The following SRGAP2 variants were observed in gnomAD, a reference collection of about 807,000 sequenced individuals.
The protein encoded by SRGAP2 is SLIT-ROBO Rho GTPase-activating protein 2.
In SRGAP2, 15 loss-of-function variants were observed where a neutral mutation model predicts 57.2. That is an observed-to-expected ratio of 0.26 (90% CI 0.18 to 0.40). The LOEUF (loss-of-function observed/expected upper bound fraction) is 0.40. SRGAP2 is among the 10% of genes least tolerant of loss of function. SRGAP2 has a pLI of 1.00. For missense variants in SRGAP2, 520 were observed against 669.6 expected, an observed-to-expected ratio of 0.78 and a Z score of 2.47; for synonymous variants, 249 against 248.0, an observed-to-expected ratio of 1.00 and a Z score of -0.04.
intron 2 of SRGAP2, among the ~76,000 whole-genome samples, chr1:206,241,301 C>A (rs1668213420): frequency 6.6e-6 from 1 of 152,180 alleles, no homozygotes; most frequent in African/African-American, 2.4e-5. Flanking sequence ...GACCACCTAC[C>A]ATCAGACGGG....
chr1:206,414,155 T>C (rs1017355351), intron 10 of SRGAP2, among the ~76,000 whole-genome samples: 1 of 151,200 alleles, frequency 6.6e-6, no homozygotes, highest in Non-Finnish European at 1.5e-5. Flanking sequence ...CCTCAGCCTC[T>C]CGAGTAGCTG....
At chr1:206,248,708 A>G (rs1558250469) in intron 2 of SRGAP2, among the ~76,000 whole-genome samples, 1 of 152,056 alleles carries the variant, frequency 6.6e-6, no homozygotes, top group Non-Finnish European at 1.5e-5. Context: ...GTTTAGCTTT[A>G]TTAGGTTCTG....
At chr1:206,314,097 T>G (rs1418218479) in intron 3 of SRGAP2, among the ~76,000 whole-genome samples, 2 of 126,490 alleles carry the variant, frequency 1.6e-5, no homozygotes, top group African/African-American at 6.5e-5. Context: ...GGCTTTTTTG[T>G]TTTTTTTGTT....
At chr1:206,378,248 G>A (rs1279366685) in intron 4 of SRGAP2, among the ~76,000 whole-genome samples, 1 of 151,914 alleles carries the variant, frequency 6.6e-6, no homozygotes, top group Admixed American at 6.6e-5. Flanking sequence ...GGGAAGCTGA[G>A]GCAGGAGGAT....
At chr1:206,234,402 C>A (rs527540375) in intron 2 of SRGAP2, among the ~76,000 whole-genome samples, 1 of 152,108 alleles carries the variant, frequency 6.6e-6, no homozygotes, top group Non-Finnish European at 1.5e-5. Context: ...CTGTACTCCC[C>A]AGTGTCTAAC....
At chr1:206,426,179 A>G (rs1416149029) in intron 13 of SRGAP2, among the ~76,000 whole-genome samples, 12 of 152,116 alleles carry the variant, frequency 7.9e-5, no homozygotes, top group Non-Finnish European at 1.8e-4. Flanking sequence ...CTCTGCCTTC[A>G]TGCAATCAAA....
intron 19 of SRGAP2, among the ~76,000 whole-genome samples, chr1:206,451,981 T>C (rs1369276008): frequency 6.6e-5 from 10 of 152,224 alleles, no homozygotes; most frequent in African/African-American, 2.4e-4. Context: ...CTTCCCAGAA[T>C]AGCCGACTTT....
chr1:206,363,814 C>T (rs1229326888), intron 4 of SRGAP2, among the ~76,000 whole-genome samples: 1 of 152,132 alleles, frequency 6.6e-6, no homozygotes, highest in Non-Finnish European at 1.5e-5. Flanking sequence ...AGGCACTTGC[C>T]GTTGATTTGT....
chr1:206,423,949 ATTTTTTT>A (rs782243765), intron 13 of SRGAP2, among the ~76,000 whole-genome samples: 3 of 87,744 alleles, frequency 3.4e-5, no homozygotes, highest in Admixed American at 1.3e-4. Context: ...TAATTTATGT[ATTTTTTT>A]TTTTTTTTTT....
At chr1:206,327,112 AG>A (rs1673978323) in intron 3 of SRGAP2, among the ~76,000 whole-genome samples, 1 of 152,190 alleles carries the variant, frequency 6.6e-6, no homozygotes, top group Admixed American at 6.5e-5. Flanking sequence ...AGATCACCTG[AG>A]GTCAGGAGTT....
At chr1:206,319,233 A>C (rs1458860760) in intron 3 of SRGAP2, among the ~76,000 whole-genome samples, 2 of 147,834 alleles carry the variant, frequency 1.4e-5, no homozygotes, top group African/African-American at 5.3e-5. Context: ...AATACGGCGA[A>C]ACCCCATCTC....
intron 21 of SRGAP2, chr1:206,455,378 G>T: frequency 3.6e-6 from 1 of 275,110 alleles, no homozygotes; most frequent in East Asian, 1.1e-4. Context: ...TTTCTCAGAG[G>T]TGCCTTCTTT....
At chr1:206,414,899 T>C (rs1553360938) in intron 10 of SRGAP2, among the ~76,000 whole-genome samples, 3 of 152,246 alleles carry the variant, frequency 2.0e-5, no homozygotes, top group Non-Finnish European at 4.4e-5. Context: ...GCATTAATAC[T>C]ACAAAATTTA....
At chr1:206,322,596 A>G (rs1553328105) in intron 3 of SRGAP2, among the ~76,000 whole-genome samples, 1 of 136,996 alleles carries the variant, frequency 7.3e-6, no homozygotes, top group East Asian at 2.0e-4. Context: ...AAAAAAAAAA[A>G]AAGAATTACT....
intron 4 of SRGAP2, among the ~76,000 whole-genome samples, chr1:206,358,182 C>G (rs1444143428): frequency 6.6e-6 from 1 of 151,902 alleles, no homozygotes; most frequent in Non-Finnish European, 1.5e-5. Flanking sequence ...TTTCACCATG[C>G]TGAGTTTCAC....
At chr1:206,230,060 A>T (rs1667534237) in intron 2 of SRGAP2, among the ~76,000 whole-genome samples, 1 of 152,212 alleles carries the variant, frequency 6.6e-6, no homozygotes. Flanking sequence ...TAAGTAAAGA[A>T]AAAAAGGTTT....
Position 206,389,984 on chromosome 1 carries a change from A to G in SRGAP2, c.487-2705A>G, listed in dbSNP as rs189951088. ...TACATACATTTACATATGTATATGT[A>G]CATAGATATATATATCTAAGTCCTA... On this transcript the variant is annotated intron_variant, in intron 5 of 22. Coordinates refer to ENST00000573034, the MANE Select transcript of SRGAP2 (RefSeq NM_015326.5). Among the ~76,000 whole-genome samples the G allele has an allele frequency of 2.3e-3, 351 of 151,174 alleles. 2 individuals are homozygous for G. Among genetic ancestry groups the G allele is most frequent in the East Asian group, 0.022 (112 of 5,170 alleles).
chr1:206,318,915 G>A (rs546964901), intron 3 of SRGAP2, among the ~76,000 whole-genome samples: 1 of 151,758 alleles, frequency 6.6e-6, no homozygotes, highest in African/African-American at 2.4e-5. Flanking sequence ...ATGAGATTTG[G>A]GGGGGGACAG....
intron 2 of SRGAP2, among the ~76,000 whole-genome samples, chr1:206,248,776 T>C (rs1668654375): frequency 1.3e-5 from 2 of 150,162 alleles, no homozygotes; most frequent in African/African-American, 4.9e-5. Context: ...TTGATTCAAC[T>C]TCAGAATATA....
Sources: gnomAD v4.1 joint callset for allele counts (sites outside exome capture counted in the v4.1 genomes callset) on GRCh38, gnomAD v4.1.1 for gene constraint, MANE v1.5 for transcripts, NCBI Gene and HGNC (gene_info 2026-07-23, HGNC 2026-07-21) for gene names.